Variants in LANCL3 observed in about 807,000 individuals in gnomAD.
LANCL3 encodes LanC like family member 3.
In LANCL3, 19 loss-of-function variants were observed where a neutral mutation model predicts 26.5. That is an observed-to-expected ratio of 0.72 (90% CI 0.50 to 1.05). The LOEUF is 1.05. LANCL3 is among the 50% of genes least tolerant of loss of function. LANCL3 has a pLI of 0.00. For synonymous variants in LANCL3, 160 were observed against 166.6 expected, an observed-to-expected ratio of 0.96 and a Z score of 0.30; for missense variants, 318 against 362.7, an observed-to-expected ratio of 0.88 and a Z score of 1.00.
At chrX:37,620,394 C>T (rs1335673004) in intron 1 of LANCL3, among the ~76,000 whole-genome samples, 2 of 111,972 alleles carry the variant, frequency 1.8e-5, no homozygotes, top group African/African-American at 6.5e-5. Context: ...CACTTGGCTG[C>T]TGGAGAATGA....
In LANCL3 at chrX:37,572,392, C is replaced by A. The variant is rs1388298240; in HGVS notation, c.522C>A (p.Arg174=). Residue 174 remains arginine (R), a synonymous_variant, in exon 1 of 5, where the codon CGC becomes CGA. Coordinates refer to ENST00000378619, the MANE Select transcript of LANCL3 (RefSeq NM_001170331.2). ...ECGSDELFVG[R]AGYLCAALVL... is the part of the protein sequence containing the mutation. ...GCTCCGACGAGCTGTTCGTGGGCCG[C>A]GCGGGTTACCTGTGTGCCGCGCTGG... is the stretch of plus-strand genomic sequence containing the variant. 6.8e-6 allele frequency: 8 copies of A among 1,174,591 alleles called. No individual in the cohort carries two copies. The highest frequency in any genetic ancestry group is 5.7e-6 in the Non-Finnish European group (5 of 877,296).
rs910468558 is a variant in LANCL3 at position 37,678,807 on chromosome X, C to T, written c.*2994C>T. 2 of 111,347 alleles carry T rather than the reference C, an allele frequency of 1.8e-5. No individual in the cohort carries two copies. Among genetic ancestry groups the T allele is most frequent in the African/African-American group, 6.5e-5 (2 of 30,597 alleles). The allele number at this position is 111,347 out of a possible 1,213,427, so 9.2% of individuals were successfully genotyped here. A position where few individuals can be genotyped will look rare whatever the true frequency, so the allele number is the denominator to read the frequency against. ...GATAACAGTATTTGCTTACTGATAA[C>T]TTGAGAAACAGTCATTTTCTTGGTC... On this transcript the variant is annotated 3_prime_UTR_variant, in exon 5 of 5. Transcript: ENST00000378619.
At chrX:37,620,542 G>C (rs1348650435) in intron 1 of LANCL3, among the ~76,000 whole-genome samples, 3 of 112,050 alleles carry the variant, frequency 2.7e-5, no homozygotes. Context: ...AAGTTGCAGA[G>C]AAATTTCAAG....
chrX:37,602,938 CG>C (rs1924610289), intron 1 of LANCL3, among the ~76,000 whole-genome samples: 1 of 102,593 alleles, frequency 9.7e-6, no homozygotes, highest in Non-Finnish European at 1.9e-5. Context: ...GTCTAGTCAC[CG>C]GATAAAAAGG....
intron 1 of LANCL3, among the ~76,000 whole-genome samples, chrX:37,574,378 T>A (rs1923689860): frequency 9.0e-6 from 1 of 111,712 alleles, no homozygotes; most frequent in South Asian, 3.8e-4. Context: ...TGTCCTGGGT[T>A]TCTTCCCCTC....
chrX:37,595,375 A>G (rs1387206888), intron 1 of LANCL3, among the ~76,000 whole-genome samples: 3 of 112,660 alleles, frequency 2.7e-5, no homozygotes, highest in African/African-American at 9.7e-5. Flanking sequence ...CTAGCTGTTT[A>G]CATGCTCCTG....
intron 4 of LANCL3, among the ~76,000 whole-genome samples, chrX:37,671,461 G>A (rs1292373843): frequency 3.6e-5 from 4 of 111,179 alleles, no homozygotes; most frequent in South Asian, 7.7e-4. Flanking sequence ...GTAATCCAAC[G>A]GCTTCCCATA....
intron 3 of LANCL3, among the ~76,000 whole-genome samples, chrX:37,659,991 T>C (rs1375305813): frequency 5.4e-5 from 6 of 111,824 alleles, no homozygotes; most frequent in Non-Finnish European, 1.1e-4. Context: ...TTTAATAATA[T>C]ATATTATAGT....
intron 3 of LANCL3, among the ~76,000 whole-genome samples, chrX:37,661,232 A>T (rs1204944525): frequency 8.9e-6 from 1 of 111,856 alleles, no homozygotes; most frequent in Non-Finnish European, 1.9e-5. Context: ...TGGGAAGATA[A>T]TCTACTAAAA....
intron 1 of LANCL3, among the ~76,000 whole-genome samples, chrX:37,583,623 A>G (rs375896875): frequency 9.9e-5 from 11 of 111,376 alleles, no homozygotes; most frequent in East Asian, 2.8e-4. Flanking sequence ...CTGTTTGTCT[A>G]TCATTGGTGT....
rs782668091 is a variant in LANCL3, at chrX:37,676,441, T to C, written c.*628T>C. 1 of 111,909 alleles carries C rather than the reference T, an allele frequency of 8.9e-6. No individual in the cohort carries two copies. The highest frequency in any genetic ancestry group is 1.9e-5 in the Non-Finnish European group (1 of 53,168). 9.2% of individuals were successfully genotyped at this position (111,909 alleles called of 1,213,427 possible). ...TCATAGCGTAGTTCAGATACTAAAA[T>C]TTGAAGTTTCCTTAGGCCCTAGAAC... On this transcript the variant is annotated 3_prime_UTR_variant, in exon 5 of 5. Transcript: ENST00000378619.
intron 1 of LANCL3, among the ~76,000 whole-genome samples, chrX:37,628,736 C>T (rs1196424801): frequency 4.7e-5 from 5 of 107,401 alleles, no homozygotes; most frequent in Non-Finnish European, 7.7e-5. Flanking sequence ...CTGAGAATGA[C>T]GATTTCTAAT....
chrX:37,576,122 T>C (rs1923738870), intron 1 of LANCL3, among the ~76,000 whole-genome samples: 1 of 112,012 alleles, frequency 8.9e-6, no homozygotes, highest in Non-Finnish European at 1.9e-5. Flanking sequence ...TTCCCCTGGG[T>C]TTATCTAATT....
rs144433394 is a variant in LANCL3, at chrX:37,576,121, G to A, written c.573+3678G>A. On this transcript the variant is annotated intron_variant, in intron 1 of 4. Transcript: ENST00000378619. ...ATTTATGTGTGGACATTTCCCCTGG[G>A]TTTATCTAATTTGTTTCTTCCTTAG... Among the ~76,000 whole-genome samples, 1,116 of 111,823 alleles carry A rather than the reference G, an allele frequency of 1.0e-2. 19 individuals are homozygous for A. Among genetic ancestry groups the A allele is most frequent in the African/African-American group, 0.035 (1,073 of 30,786 alleles).
intron 1 of LANCL3, among the ~76,000 whole-genome samples, chrX:37,628,156 A>G (rs1556423385): frequency 1.8e-5 from 2 of 111,523 alleles, no homozygotes; most frequent in Non-Finnish European, 3.8e-5. Context: ...AAATAACATA[A>G]TTTTAAAAGA....
chrX:37,622,731 T>C (rs1237736818), intron 1 of LANCL3, among the ~76,000 whole-genome samples: 2 of 112,139 alleles, frequency 1.8e-5, no homozygotes, highest in African/African-American at 6.5e-5. Flanking sequence ...GGTCCATCAG[T>C]AGGCCTTTGC....
At chrX:37,588,583 G>A (rs192273142) in intron 1 of LANCL3, among the ~76,000 whole-genome samples, 1 of 111,871 alleles carries the variant, frequency 8.9e-6, no homozygotes, top group African/African-American at 3.2e-5. Flanking sequence ...TGGGGTGCTA[G>A]CCACTTGATC....
chrX:37,659,744 C>T, intron 3 of LANCL3, 85 bp downstream of exon 3: 3 of 810,395 alleles, frequency 3.7e-6, no homozygotes, highest in Non-Finnish European at 5.5e-6. Flanking sequence ...GTGAGGATAG[C>T]TAATCTTATG....
intron 1 of LANCL3, among the ~76,000 whole-genome samples, chrX:37,645,489 C>G (rs904532008): frequency 5.3e-5 from 6 of 112,502 alleles, no homozygotes; most frequent in African/African-American, 1.9e-4. Context: ...GCTAAAAGAG[C>G]TCCTCAGTGG....
Sources: gnomAD v4.1 joint callset for allele counts (sites outside exome capture counted in the v4.1 genomes callset) on GRCh38, gnomAD v4.1.1 for gene constraint, MANE v1.5 for transcripts, NCBI Gene and HGNC (gene_info 2026-07-23, HGNC 2026-07-21) for gene names.